Variants in FLNA observed in about 807,000 individuals in gnomAD.
FLNA encodes filamin A.
FLNA carries 7 observed loss-of-function variants against 157.6 expected under a neutral mutation model. The observed-to-expected ratio is 0.04, with a 90% CI of 0.03 to 0.08. FLNA has a LOEUF of 0.08. FLNA is among the 10% of genes least tolerant of loss of function. The probability of loss-of-function intolerance (pLI) is 1.00; values close to 1 mark genes in which losing one functional copy is unlikely to be tolerated. For synonymous variants in FLNA, 1,103 were observed against 1,060.8 expected (o/e 1.04, Z -0.77); for missense variants, 1,750 against 2,398.4 (o/e 0.73, Z 5.65).
At chrX:154,370,058 G>A (rs2067793318) in intron 2 of FLNA, among the ~76,000 whole-genome samples, 2 of 111,784 alleles carry the variant, frequency 1.8e-5, no homozygotes, top group African/African-American at 6.5e-5. Context: ...GGCTGCTGCA[G>A]CAGGCCTGGT....
chrX:154,358,352 G>A lies in FLNA; in HGVS notation c.4602C>T (p.Pro1534=), dbSNP rs1238054714. ...LYGDEEVPRS[P]FKVKVLPTHD... is the part of the protein sequence containing the mutation. ...GAGTAGGCAGCACCTTGACCTTGAAGGGGCTGTGAGGGATTGGTGTTGTGA... is the reference window on the plus strand; with the variant it reads ...GAGTAGGCAGCACCTTGACCTTGAAAGGGCTGTGAGGGATTGGTGTTGTGA... The change falls in exon 28 of 48, where the codon CCC becomes CCT. Residue 1534 remains proline (P), a synonymous_variant. Transcript: ENST00000369850. The A allele has an allele frequency of 2.5e-6, 3 of 1,211,459 alleles. No individual in the cohort carries two copies. Among genetic ancestry groups the A allele is most frequent in the Admixed American group, 2.2e-5 (1 of 46,115 alleles).
At chrX:154,372,096 G>C (rs2067812956) in intron 1 of FLNA, among the ~76,000 whole-genome samples, 1 of 113,482 alleles carries the variant, frequency 8.8e-6, no homozygotes, top group African/African-American at 3.2e-5. Context: ...CCCTCCACCC[G>C]GGAGGATATG....
chrX:154,349,441 C>A lies in FLNA; in HGVS notation c.7677G>T (p.Lys2559Asn). The change falls in exon 47 of 48, where the codon AAG becomes AAT. Residue 2559 changes from lysine (K) to asparagine (N), a missense_variant. Transcript: ENST00000369850. ...APGPGPADAS[K>N]VVAKGLGLSK... ...TCAGCCCCAGGCCCTTGGCCACCACCTTGCTGGCGTCAGCAGGCCCAGGAC... is the reference window on the plus strand; with the variant it reads ...TCAGCCCCAGGCCCTTGGCCACCACATTGCTGGCGTCAGCAGGCCCAGGAC... 8.2e-7 allele frequency: 1 copy of A among 1,212,150 alleles called. No individual in the cohort carries two copies. The highest frequency in any genetic ancestry group is 1.1e-6 in the Non-Finnish European group (1 of 895,530).
At position 154,348,804 on chromosome X, in the gene FLNA, T is replaced by C; in HGVS notation, c.*45A>G. 1 of 1,145,728 alleles carries C rather than the reference T, an allele frequency of 8.7e-7. No individual in the cohort carries two copies. Among genetic ancestry groups the C allele is most frequent in the Non-Finnish European group, 1.2e-6 (1 of 846,007 alleles). The allele number at this position is 1,145,728 out of a possible 1,213,427, so 94.4% of individuals were successfully genotyped here. The stretch of plus-strand genomic sequence containing the variant: ...GGGGAAGAGGGCGGGGCTGCTTGGG[T>C]AGCGGGGCAGGCTTGGGGGCTGCCG... On this transcript the variant is annotated 3_prime_UTR_variant, in exon 48 of 48. Transcript: ENST00000369850.
intron 30 of FLNA, among the ~76,000 whole-genome samples, chrX:154,356,770 C>T (rs2067666171): frequency 8.9e-6 from 1 of 112,816 alleles, no homozygotes; most frequent in Non-Finnish European, 1.9e-5. Flanking sequence ...CACTACCAGC[C>T]AGCCCCACCC....
chrX:154,364,456 G>C, intron 13 of FLNA, 70 bp downstream of exon 13: 1 of 1,186,444 alleles, frequency 8.4e-7, no homozygotes, highest in Non-Finnish European at 1.1e-6. Flanking sequence ...GGGACACAGA[G>C]TGCCATCCCC....
chrX:154,366,300 C>G lies in FLNA; in HGVS notation c.1228+8G>C. 1 of 1,211,567 alleles carries G rather than the reference C, an allele frequency of 8.3e-7. No individual in the cohort carries two copies. The highest frequency in any genetic ancestry group is 1.7e-5 in the African/African-American group (1 of 57,957). On this transcript the variant is annotated splice_region_variant and intron_variant, in intron 8 of 47. Coordinates refer to ENST00000369850, the MANE Select transcript of FLNA (RefSeq NM_001110556.2). ...CAGACCAGCTGGGCCTTGGCAGCCT[C>G]CCCTCACCTGCCGTAAAGATCTCAA... is the stretch of plus-strand genomic sequence containing the variant.
At position 154,359,558 on chromosome X, in the gene FLNA, G is replaced by A. The variant is rs2148111479; in HGVS notation, c.4068C>T (p.Ser1356=). 2.5e-6 allele frequency: 3 copies of A among 1,211,182 alleles called. No homozygotes were observed. Among genetic ancestry groups the A allele is most frequent in the Non-Finnish European group, 3.4e-6 (3 of 895,354 alleles). Residue 1356 remains serine (S), a synonymous_variant, in exon 24 of 48, where the codon TCC becomes TCT. Transcript: ENST00000369850. ...TGCCTGGCCCGTGGACACGCACCCG[G>A]GAGGGGTCGCAGCCCTCGGTCACGG... is the stretch of plus-strand genomic sequence containing the variant. ...QVPVTEGCDP[S]RVRVHGPGIQ... is the part of the protein sequence containing the mutation.
rs782597185 is a variant in FLNA, at chrX:154,356,675, G to A, written c.4969+576C>T. 8.0e-5 allele frequency among the ~76,000 whole-genome samples: 9 copies of A among 112,358 alleles called. No homozygotes were observed. In the East Asian group the frequency reaches 1.7e-3, roughly 21 times the overall value. On this transcript the variant is annotated intron_variant, in intron 30 of 47. Transcript: ENST00000369850. ...TAGGGGAAGGGGGAAGGAGGGAGACGGGCCACAGAATGCACTTTGGGGCTC... is the reference window on the plus strand; with the variant it reads ...TAGGGGAAGGGGGAAGGAGGGAGACAGGCCACAGAATGCACTTTGGGGCTC...
intron 15 of FLNA, among the ~76,000 whole-genome samples, chrX:154,363,400 A>C (rs1384491786): frequency 2.0e-5 from 2 of 100,809 alleles, no homozygotes; most frequent in Non-Finnish European, 4.0e-5. Context: ...CCTGGCAATA[A>C]GAGCAAAACT....
chrX:154,359,514 T>C lies in FLNA; in HGVS notation c.4112A>G (p.Asn1371Ser). Residue 1371 changes from asparagine (N) to serine (S), a missense_variant, in exon 24 of 48, where the codon AAC (asparagine) becomes AGC (serine). Coordinates refer to ENST00000369850, the MANE Select transcript of FLNA (RefSeq NM_001110556.2). Reference sequence around the variant, plus strand: ...CTCCACAGTGAACTTGTTGGGCTTGTTGGTGGTGCCACTTTGGATGCCTGG... The same window carrying C: ...CTCCACAGTGAACTTGTTGGGCTTGCTGGTGGTGCCACTTTGGATGCCTGG... ...HGPGIQSGTTNKPNKFTVETR... is the reference protein window; with the variant it reads ...HGPGIQSGTTSKPNKFTVETR... The C allele has an allele frequency of 8.3e-7, 1 of 1,211,478 alleles. No homozygotes were observed. The highest frequency in any genetic ancestry group is 1.1e-6 in the Non-Finnish European group (1 of 895,460).
chrX:154,358,684 C>T lies in FLNA; in HGVS notation c.4475-116G>A. 5 of 952,980 alleles carry T rather than the reference C, an allele frequency of 5.2e-6. No homozygotes were observed. The South Asian group carries it at 7.9e-5, about 15-fold the overall frequency. The allele number at this position is 952,980 out of a possible 1,213,427, so 78.5% of individuals were successfully genotyped here. On this transcript the variant is annotated intron_variant, in intron 26 of 47. Coordinates refer to ENST00000369850, the MANE Select transcript of FLNA (RefSeq NM_001110556.2). ...GCCTAGACCTCGCTTTATCCTCATC[C>T]ACCCGACCCTGGGAATGGCCTTGAC...
intron 1 of FLNA, 25 bp from the exon 2 acceptor site, chrX:154,371,386 A>C: frequency 7.8e-6 from 5 of 638,606 alleles, no homozygotes; most frequent in Admixed American, 3.8e-5. Context: ...AGCCCTTTAA[A>C]TGCGGGAGGA....
In FLNA at chrX:154,361,343, G is replaced by A. The variant is rs1455557557; in HGVS notation, c.3172C>T (p.Pro1058Ser). Residue 1058 changes from proline to serine, a missense_variant, in exon 21 of 48, where the codon CCT (proline) becomes TCT (serine). Coordinates refer to ENST00000369850, the MANE Select transcript of FLNA (RefSeq NM_001110556.2). Reference protein sequence around the residue: ...DGVPVPGSPFPLEAVAPTKPS... With the variant: ...DGVPVPGSPFSLEAVAPTKPS... ...TTGGTGGGGGCCACAGCTTCCAGAG[G>A]AAAGGGGCTGCCAGGCACGGGCACG... is the stretch of plus-strand genomic sequence containing the variant. The A allele has an allele frequency of 4.1e-6, 5 of 1,208,319 alleles. No individual in the cohort carries two copies. Among genetic ancestry groups the A allele is most frequent in the Non-Finnish European group, 5.6e-6 (5 of 894,943 alleles).
chrX:154,369,440 AAAAG>A (rs1557179923), intron 2 of FLNA, among the ~76,000 whole-genome samples: 1 of 111,780 alleles, frequency 8.9e-6, no homozygotes, highest in East Asian at 2.8e-4. Flanking sequence ...TCCCCCTCCC[AAAAG>A]AGAGAGGGAA....
chrX:154,371,041 T>C lies in FLNA; in HGVS notation c.205A>G (p.Thr69Ala). 1 of 1,207,482 alleles carries C rather than the reference T, an allele frequency of 8.3e-7. No homozygotes were observed. The highest frequency in any genetic ancestry group is 1.1e-6 in the Non-Finnish European group (1 of 893,271). The change falls in exon 2 of 48, where the codon ACG (threonine) becomes GCG (alanine). Residue 69 changes from threonine (T) to alanine (A), a missense_variant. By Grantham distance (58) the Thr-to-Ala change is moderately conservative. Coordinates refer to ENST00000369850, the MANE Select transcript of FLNA (RefSeq NM_001110556.2). ...AGCCGCAGCCCGTCGCTCAGGTCCG[T>C]CTGCAGGTTGGCGATGCGCTTGCTC... ...CVSKRIANLQ[T>A]DLSDGLRLIA...
At position 154,361,957 on chromosome X, in the gene FLNA, CTG is replaced by C. The variant is rs782202391; in HGVS notation, c.2826+20_2826+21del. 6 of 1,205,780 alleles carry C rather than the reference CTG, an allele frequency of 5.0e-6. No individual in the cohort carries two copies. The African/African-American group carries it at 7.0e-5, about 14-fold the overall frequency. ...CATGAGGAGGCTGGGGACTCGGTGA[CTG>C]TAGTGGAGGGTGTGGCTACCTGCTG... On this transcript the variant is annotated intron_variant, in intron 19 of 47. Coordinates refer to ENST00000369850, the MANE Select transcript of FLNA (RefSeq NM_001110556.2).
intron 2 of FLNA, among the ~76,000 whole-genome samples, chrX:154,370,150 G>A (rs1391706685): frequency 4.5e-5 from 5 of 112,159 alleles, no homozygotes; most frequent in Non-Finnish European, 9.4e-5. Flanking sequence ...CAACTCCTGC[G>A]TGCTACACGC....
Position 154,353,047 on chromosome X carries a change from G to A in FLNA, c.6180C>T (p.Gly2060=). 2.5e-6 allele frequency: 3 copies of A among 1,211,681 alleles called. No homozygotes were observed. The highest frequency in any genetic ancestry group is 3.4e-6 in the Non-Finnish European group (3 of 895,517). The part of the protein sequence containing the change: ...VRVSGQGLHE[G]HTFEPAEFII... ...TAAACTCTGCAGGCTCAAAGGTGTG[G>A]CCTTCGTGAAGGCCCTGACCAGAGA... Residue 2060 remains glycine, a synonymous_variant, in exon 38 of 48, where the codon GGC becomes GGT. Transcript: ENST00000369850.
Sources: allele counts gnomAD v4.1 joint callset (sites outside exome capture counted in the v4.1 genomes callset), GRCh38; gene constraint gnomAD v4.1.1; transcripts MANE v1.5; gene names NCBI Gene and HGNC (gene_info 2026-07-23, HGNC 2026-07-21).